Variants in SORL1 observed in about 807,000 individuals in gnomAD.
SORL1 encodes sortilin related receptor 1.
SORL1 carries 127 observed loss-of-function variants against 273.7 expected under a neutral mutation model. That is an observed-to-expected ratio of 0.46 (90% CI 0.40 to 0.54). SORL1 has a LOEUF of 0.54. Among genes scored for constraint, SORL1 ranks in the 20% least tolerant of loss-of-function variants. The pLI, the probability that SORL1 is intolerant of heterozygous loss-of-function variation, is 0.00. For missense variants in SORL1, 2,494 were observed against 2,846.1 expected, an observed-to-expected ratio of 0.88 and a Z score of 2.81; for synonymous variants, 1,031 against 1,067.4, an observed-to-expected ratio of 0.97 and a Z score of 0.66.
At chr11:121,626,495 A>C (rs1035931228) in intron 46 of SORL1, 2 of 152,194 alleles carry the variant, frequency 1.3e-5, no homozygotes, top group African/African-American at 4.8e-5. Context: ...AAGAAATGTA[A>C]ATACAGACAC....
chr11:121,551,709 G>A (rs920018375), intron 16 of SORL1, among the ~76,000 whole-genome samples: 1 of 152,142 alleles, frequency 6.6e-6, no homozygotes, highest in African/African-American at 2.4e-5. Context: ...GGCAGGGCAG[G>A]GCAGCCCTCT....
intron 1 of SORL1, among the ~76,000 whole-genome samples, chr11:121,461,923 A>G (rs943403261): frequency 3.3e-5 from 5 of 152,246 alleles, no homozygotes; most frequent in Non-Finnish European, 5.9e-5. Context: ...GTCGAAGTTT[A>G]TGAAATGACA....
chr11:121,624,803 T>C lies in SORL1; in HGVS notation c.6172-282T>C, dbSNP rs1285235242. On this transcript the variant is annotated intron_variant, in intron 45 of 47. Coordinates refer to ENST00000260197, the MANE Select transcript of SORL1 (RefSeq NM_003105.6). ...GCTGAGCAAATCTCTGAGTGTGGCT[T>C]TGGTAAAATGACTTTCCTGAGGGCC... Among the ~76,000 whole-genome samples the C allele has an allele frequency of 2.6e-5, 4 of 152,300 alleles. No individual in the cohort carries two copies. The East Asian group carries it at 7.7e-4, about 29-fold the overall frequency.
chr11:121,592,677 G>C (rs1863233658), intron 31 of SORL1, among the ~76,000 whole-genome samples: 1 of 152,194 alleles, frequency 6.6e-6, no homozygotes, highest in Admixed American at 6.5e-5. Flanking sequence ...CTACTACTTT[G>C]AGTCCTGCTC....
intron 41 of SORL1, among the ~76,000 whole-genome samples, chr11:121,616,240 A>T (rs1470130018): frequency 6.6e-6 from 1 of 152,160 alleles, no homozygotes; most frequent in African/African-American, 2.4e-5. Flanking sequence ...ATTGTGCATG[A>T]AGTTGGAGGA....
At chr11:121,521,241 A>G (rs576790266) in intron 9 of SORL1, among the ~76,000 whole-genome samples, 2 of 152,178 alleles carry the variant, frequency 1.3e-5, no homozygotes, top group South Asian at 4.1e-4. Context: ...CTTAGAATTT[A>G]CTTCTTGGTT....
At chr11:121,538,390 C>G (rs1411468102) in intron 12 of SORL1, among the ~76,000 whole-genome samples, 2 of 152,174 alleles carry the variant, frequency 1.3e-5, no homozygotes, top group Non-Finnish European at 2.9e-5. Flanking sequence ...ATGTTTATCA[C>G]TGTAGCTGCC....
chr11:121,550,553 T>C lies in SORL1; in HGVS notation c.2181-32T>C. On this transcript the variant is annotated intron_variant, in intron 15 of 47. Coordinates refer to ENST00000260197, the MANE Select transcript of SORL1 (RefSeq NM_003105.6). This position sits in a 1 kb window ranked among gnomAD's most constrained non-coding sequence, Gnocchi z 5.3. ...GCCTTTGTGGCTATTCTTCCATGTT[T>C]CTGACCTCTTGCTCTTGGGGTGGGG... The C allele has an allele frequency of 1.9e-6, 3 of 1,602,938 alleles. No individual in the cohort carries two copies. Among genetic ancestry groups the C allele is most frequent in the Non-Finnish European group, 1.7e-6 (2 of 1,169,936 alleles).
chr11:121,616,098 T>G (rs1863635402), intron 41 of SORL1, among the ~76,000 whole-genome samples: 1 of 152,138 alleles, frequency 6.6e-6, no homozygotes, highest in Admixed American at 6.5e-5. Context: ...GGAAGTTGAG[T>G]CTACTCATAA....
chr11:121,566,593 C>T, intron 21 of SORL1: 1 of 197,926 alleles, frequency 5.1e-6, no homozygotes, highest in Non-Finnish European at 1.0e-5. Flanking sequence ...TTTTGGCTTG[C>T]CATGTGCCAC....
intron 1 of SORL1, among the ~76,000 whole-genome samples, chr11:121,453,237 T>C (rs1331362132): frequency 6.6e-6 from 1 of 152,102 alleles, no homozygotes; most frequent in Non-Finnish European, 1.5e-5. Context: ...TCAAGATAAC[T>C]TTATTTTGGA....
rs1862491187 is a variant in SORL1, at chr11:121,550,511, G to A, written c.2181-74G>A. ...ACTCTACTGGCCGTGGGTAGTAAGT[G>A]TATTCCCAGCTGGGATGCCTTTGTG... is the stretch of plus-strand genomic sequence containing the variant. On this transcript the variant is annotated intron_variant, in intron 15 of 47. Transcript: ENST00000260197. The surrounding 1 kb of genome is among the most constrained non-coding windows in gnomAD (Gnocchi z 5.3). 2 of 1,267,806 alleles carry A rather than the reference G, an allele frequency of 1.6e-6. No homozygotes were observed. The highest frequency in any genetic ancestry group is 1.9e-4 in the Middle Eastern group (1 of 5,138). 78.5% of individuals were successfully genotyped at this position (1,267,806 alleles called of 1,614,324 possible).
At chr11:121,552,020 T>G (rs944197047) in intron 16 of SORL1, among the ~76,000 whole-genome samples, 1 of 152,212 alleles carries the variant, frequency 6.6e-6, no homozygotes, top group African/African-American at 2.4e-5. Flanking sequence ...CAAAACAGTT[T>G]GTTTAAAGCC....
At position 121,612,822 on chromosome 11, in the gene SORL1, G is replaced by A; in HGVS notation, c.5409G>A (p.Leu1803=). The A allele has an allele frequency of 6.2e-7, 1 of 1,612,534 alleles. No homozygotes were observed. The highest frequency in any genetic ancestry group is 8.5e-7 in the Non-Finnish European group (1 of 1,178,572). ...RRTLNFRGSI[L]SHKVGNLTAH... ...CTTTGAACTTCCGAGGAAGCATATTGTCACACAAAGGTAACACTTTGGTGC... is the reference window on the plus strand; with the variant it reads ...CTTTGAACTTCCGAGGAAGCATATTATCACACAAAGGTAACACTTTGGTGC... The change falls in exon 40 of 48, where the codon TTG becomes TTA. Residue 1803 remains leucine, a synonymous_variant. Coordinates refer to ENST00000260197, the MANE Select transcript of SORL1 (RefSeq NM_003105.6).
intron 41 of SORL1, among the ~76,000 whole-genome samples, chr11:121,616,170 T>C (rs1863636719): frequency 6.6e-6 from 1 of 152,094 alleles, no homozygotes; most frequent in African/African-American, 2.4e-5. Context: ...CCCCCAACTA[T>C]CTCTCCAGAG....
chr11:121,470,024 C>T lies in SORL1; in HGVS notation c.303C>T (p.Ser101=), dbSNP rs1861145224. The T allele has an allele frequency of 6.2e-7, 1 of 1,613,426 alleles. No individual in the cohort carries two copies. The highest frequency in any genetic ancestry group is 1.6e-4 in the Middle Eastern group (1 of 6,062). ...KVYGQVSLND[S]HNQMVVHWAG... is the part of the protein sequence containing the mutation. ...TCTTTCAGGTTAGTCTGAATGATTC[C>T]CACAATCAGATGGTGGTGCACTGGG... is the stretch of plus-strand genomic sequence containing the variant. The change falls in exon 2 of 48, where the codon TCC becomes TCT. Residue 101 remains serine (S), a synonymous_variant. Coordinates refer to ENST00000260197, the MANE Select transcript of SORL1 (RefSeq NM_003105.6).
At position 121,489,970 on chromosome 11, in the gene SORL1, C is replaced by T. The variant is rs150774595; in HGVS notation, c.691-73C>T. The stretch of plus-strand genomic sequence containing the variant: ...CGTGTCATGGAAGGTGGGATTTCAG[C>T]GGGTGTTTGATGGTGATGCCATTCA... On this transcript the variant is annotated intron_variant, in intron 4 of 47. Coordinates refer to ENST00000260197, the MANE Select transcript of SORL1 (RefSeq NM_003105.6). The T allele has an allele frequency of 1.9e-3, 2,082 of 1,078,020 alleles. 3 individuals are homozygous for T. The highest frequency in any genetic ancestry group is 2.5e-3 in the Non-Finnish European group (1,731 of 694,094). The allele number at this position is 1,078,020 out of a possible 1,614,324, so 66.8% of individuals were successfully genotyped here. A position where few individuals can be genotyped will look rare whatever the true frequency, so the allele number is the denominator to read the frequency against.
At chr11:121,546,552 A>AT (rs1435571251) in intron 14 of SORL1, among the ~76,000 whole-genome samples, 2 of 152,194 alleles carry the variant, frequency 1.3e-5, no homozygotes, top group Non-Finnish European at 2.9e-5. Context: ...GAGGAACTAG[A>AT]TTTTGCTTTG....
Position 121,627,357 on chromosome 11 carries a change from C to G in SORL1, c.6365-198C>G, listed in dbSNP as rs926127229. The G allele has an allele frequency of 2.3e-5, 14 of 599,812 alleles. No individual in the cohort carries two copies. The highest frequency in any genetic ancestry group is 4.2e-5 in the Non-Finnish European group (14 of 335,980). 37.2% of individuals were successfully genotyped at this position (599,812 alleles called of 1,614,324 possible). A position where few individuals can be genotyped will look rare whatever the true frequency, so the allele number is the denominator to read the frequency against. ...TTACCATATTTGCATGCACAAGGCC[C>G]TTGGTCTATCAGCTCATGGCAAGTA... On this transcript the variant is annotated intron_variant, in intron 46 of 47. Transcript: ENST00000260197. This position sits in a 1 kb window ranked among gnomAD's most constrained non-coding sequence, Gnocchi z 4.9.
Sources: gnomAD v4.1 joint callset for allele counts (sites outside exome capture counted in the v4.1 genomes callset) on GRCh38, gnomAD v4.1.1 for gene constraint, Gnocchi (gnomAD v3.1) non-coding constraint, MANE v1.5 for transcripts, NCBI Gene and HGNC (gene_info 2026-07-23, HGNC 2026-07-21) for gene names.